TBC1D9B: variants seen among roughly 807,000 people sequenced by gnomAD.
TBC1D9B encodes the protein TBC1 domain family member 9B.
Under a neutral mutation model 121.1 loss-of-function variants are expected in TBC1D9B, and 87 were observed. That is an observed-to-expected ratio of 0.72 (90% CI 0.60 to 0.86). The LOEUF (loss-of-function observed/expected upper bound fraction) is 0.86. TBC1D9B is among the 40% of genes least tolerant of loss of function. The pLI is 0.00. For missense variants in TBC1D9B, 1,540 were observed against 1,628.6 expected (o/e 0.95, Z 0.94); for synonymous variants, 668 against 670.1 (o/e 1.00, Z 0.05).
At position 179,885,797 on chromosome 5, in the gene TBC1D9B, C is replaced by T. The variant is rs1299754511; in HGVS notation, c.1254+2306G>A. Among the ~76,000 whole-genome samples, 1 of 152,146 alleles carries T rather than the reference C, an allele frequency of 6.6e-6. No homozygotes were observed. Among genetic ancestry groups the T allele is most frequent in the Non-Finnish European group, 1.5e-5 (1 of 68,030 alleles). Reference sequence around the variant, plus strand: ...TGGACGGCCACAGTAACCCCATTAACACGTAAACAGGTCGTGCCCTCCTCT... The same window carrying T: ...TGGACGGCCACAGTAACCCCATTAATACGTAAACAGGTCGTGCCCTCCTCT... On this transcript the variant is annotated intron_variant, in intron 7 of 20. Transcript: ENST00000355235. The surrounding 1 kb of genome is among the most constrained non-coding windows in gnomAD (Gnocchi z 4.5).
At position 179,902,243 on chromosome 5, in the gene TBC1D9B, T is replaced by C. The variant is rs1210246321; in HGVS notation, c.229+2459A>G. 1.3e-5 allele frequency among the ~76,000 whole-genome samples: 2 copies of C among 152,214 alleles called. No individual in the cohort carries two copies. The highest frequency in any genetic ancestry group is 4.8e-5 in the African/African-American group (2 of 41,456). On this transcript the variant is annotated intron_variant, in intron 2 of 20. Transcript: ENST00000355235. This position sits in a 1 kb window ranked among gnomAD's most constrained non-coding sequence, Gnocchi z 4.9. Reference sequence around the variant, plus strand: ...CAGAGGAGCGGGAGGGAAGGTTAGCTGGCATGGCGGACACTAGGCACAGCA... The same window carrying C: ...CAGAGGAGCGGGAGGGAAGGTTAGCCGGCATGGCGGACACTAGGCACAGCA...
chr5:179,894,865 G>A (rs1684973), intron 3 of TBC1D9B, among the ~76,000 whole-genome samples: 76,129 of 152,016 alleles, frequency 0.5, 19,900 homozygotes, highest in East Asian at 0.77. Context: ...GTGAGCAGAG[G>A]CTTTTTAAAA....
In TBC1D9B at chr5:179,871,540, A is replaced by C; in HGVS notation, c.2416-10T>G. Reference sequence around the variant, plus strand: ...CAGGTATAGCTCGGACCTAGAAGGAAGGAGAAACAGGGTATATAGCTGGAT... The same window carrying C: ...CAGGTATAGCTCGGACCTAGAAGGACGGAGAAACAGGGTATATAGCTGGAT... On this transcript the variant is annotated splice_polypyrimidine_tract_variant and intron_variant, in intron 14 of 20. Coordinates refer to ENST00000355235, the MANE Select transcript of TBC1D9B (RefSeq NM_015043.4). 1 of 1,611,946 alleles carries C rather than the reference A, an allele frequency of 6.2e-7. No homozygotes were observed. Among genetic ancestry groups the C allele is most frequent in the Non-Finnish European group, 8.5e-7 (1 of 1,178,980 alleles).
rs1268535369 is a variant in TBC1D9B, at chr5:179,907,544, G to C, written c.118+160C>G. Among the ~76,000 whole-genome samples the C allele has an allele frequency of 6.7e-6, 1 of 148,850 alleles. No individual in the cohort carries two copies. The highest frequency in any genetic ancestry group is 1.5e-5 in the Non-Finnish European group (1 of 66,974). On this transcript the variant is annotated intron_variant, in intron 1 of 20. Transcript: ENST00000355235. The surrounding 1 kb of genome is among the most constrained non-coding windows in gnomAD (Gnocchi z 5.3). Reference sequence around the variant, plus strand: ...CCGGCCCCTCCGCGCCCGGCTCCCGGGTCCTGGCCTCGCGCCCCCGCCCCG... The same window carrying C: ...CCGGCCCCTCCGCGCCCGGCTCCCGCGTCCTGGCCTCGCGCCCCCGCCCCG...
intron 17 of TBC1D9B, 85 bp from the exon 18 acceptor site, chr5:179,867,934 C>T: frequency 7.5e-7 from 1 of 1,326,720 alleles, no homozygotes; most frequent in East Asian, 2.5e-5. Flanking sequence ...CTGGGCAGAG[C>T]CTTGCTTTCC....
rs141489446 is a variant in TBC1D9B, at chr5:179,869,124, A to G, written c.2791+645T>C. The G allele has an allele frequency of 1.6e-3, 280 of 170,606 alleles. 2 individuals are homozygous for G. In the East Asian group the frequency reaches 0.042, roughly 26 times the overall value. 10.6% of individuals were successfully genotyped at this position (170,606 alleles called of 1,614,324 possible). A position where few individuals can be genotyped will look rare whatever the true frequency, so the allele number is the denominator to read the frequency against. The stretch of plus-strand genomic sequence containing the variant: ...GGGGTCGGTTCTGAGGGCAGCTGCT[A>G]ACCTCAGATGGCAAAGCGACAGCAG... On this transcript the variant is annotated intron_variant, in intron 17 of 20. Transcript: ENST00000355235.
Position 179,874,979 on chromosome 5 carries a change from G to A in TBC1D9B, c.2109C>T (p.Ala703=), listed in dbSNP as rs766918881. The change falls in exon 12 of 21, where the codon GCC becomes GCT. Residue 703 remains alanine, a synonymous_variant. Coordinates refer to ENST00000355235, the MANE Select transcript of TBC1D9B (RefSeq NM_015043.4). This position sits in a 1 kb window ranked among gnomAD's most constrained non-coding sequence, Gnocchi z 4.3. ...CCATGTTGGCGTCCAGGACGGCCAG[G>A]GCCACCTGCAGGATCACCTTGATGC... ...YEGIKVILQV[A]LAVLDANMEQ... is the part of the protein sequence containing the mutation. The A allele has an allele frequency of 2.2e-5, 35 of 1,613,742 alleles. No homozygotes were observed. Among genetic ancestry groups the A allele is most frequent in the Middle Eastern group, 1.6e-4 (1 of 6,084 alleles).
At chr5:179,895,669 T>A (rs1760998780) in intron 3 of TBC1D9B, among the ~76,000 whole-genome samples, 1 of 152,180 alleles carries the variant, frequency 6.6e-6, no homozygotes, top group Admixed American at 6.5e-5. Context: ...ATGTACACAT[T>A]GATTTTCTAG....
chr5:179,900,914 G>A (rs1469531663), intron 2 of TBC1D9B, among the ~76,000 whole-genome samples: 1 of 152,128 alleles, frequency 6.6e-6, no homozygotes, highest in Non-Finnish European at 1.5e-5. Context: ...CCCTGACCAG[G>A]CTCTTCTGCC....
chr5:179,907,079 C>T lies in TBC1D9B; in HGVS notation c.118+625G>A, dbSNP rs1761342900. Among the ~76,000 whole-genome samples the T allele has an allele frequency of 1.3e-5, 2 of 152,188 alleles. No individual in the cohort carries two copies. The highest frequency in any genetic ancestry group is 2.1e-4 in the South Asian group (1 of 4,826). ...TGGTGGCACCCGGGCCCACAAAGGG[C>T]CACCTTGGCGAGCTTGCAGGAACAC... On this transcript the variant is annotated intron_variant, in intron 1 of 20. Coordinates refer to ENST00000355235, the MANE Select transcript of TBC1D9B (RefSeq NM_015043.4). The surrounding 1 kb of genome is among the most constrained non-coding windows in gnomAD (Gnocchi z 5.3).
rs1178581753 is a variant in TBC1D9B at position 179,879,099 on chromosome 5, G to A, written c.1515C>T (p.Val505=). ...MYRTAKTRAL[V]LKGIPESLRG... ...GGAGGCTCTCAGGGATACCCTTCAG[G>A]ACCAGTGCCCGCGTCTTGGCTGTGC... Residue 505 remains valine, a synonymous_variant, in exon 9 of 21, where the codon GTC becomes GTT. Transcript: ENST00000355235. The A allele has an allele frequency of 4.4e-6, 7 of 1,607,280 alleles. No homozygotes were observed. The highest frequency in any genetic ancestry group is 5.9e-6 in the Non-Finnish European group (7 of 1,179,972).
rs1221899169 is a variant in TBC1D9B at position 179,863,653 on chromosome 5, C to T, written c.3497G>A (p.Ser1166Asn). 1.2e-5 allele frequency: 20 copies of T among 1,613,846 alleles called. No individual in the cohort carries two copies. The highest frequency in any genetic ancestry group is 1.6e-5 in the Non-Finnish European group (19 of 1,180,036). Residue 1166 changes from serine (S) to asparagine (N), a missense_variant, in exon 21 of 21, where the codon AGC becomes AAC. Coordinates refer to ENST00000355235, the MANE Select transcript of TBC1D9B (RefSeq NM_015043.4). The surrounding 1 kb of genome is among the most constrained non-coding windows in gnomAD (Gnocchi z 4.5). ...GGTGCCGCCGATGCGCGCTGTGGGG[C>T]TGCAGGCCTCCCCGCCCACCAGCAC... ...DTVLVGGEAC[S>N]PTARIGGTVD...
Position 179,865,532 on chromosome 5 carries a change from G to T in TBC1D9B, c.2915-172C>A. The T allele has an allele frequency of 1.5e-6, 1 of 659,570 alleles. No individual in the cohort carries two copies. The allele number at this position is 659,570 out of a possible 1,614,324, so 40.9% of individuals were successfully genotyped here. On this transcript the variant is annotated intron_variant, in intron 19 of 20. Coordinates refer to ENST00000355235, the MANE Select transcript of TBC1D9B (RefSeq NM_015043.4). This position sits in a 1 kb window ranked among gnomAD's most constrained non-coding sequence, Gnocchi z 5.1. The stretch of plus-strand genomic sequence containing the variant: ...GGAAAAAAACCCAGAACAGCCACAG[G>T]TTTTCCCTAAATTGCTGCAGTGGTT...
rs407437 is a variant in TBC1D9B, at chr5:179,870,262, T to A, written c.2718A>T (p.Thr906=). ...DSLINFKEFV[T]GMSGMYHGDL... ...GGCCCTGCAGGCACTCACTCATCCC[T>A]GTCACGAACTCCTTGAAGTTGATCA... Residue 906 remains threonine, a synonymous_variant, in exon 16 of 21, where the codon ACA becomes ACT. Coordinates refer to ENST00000355235, the MANE Select transcript of TBC1D9B (RefSeq NM_015043.4). 6.2e-7 allele frequency: 1 copy of A among 1,613,826 alleles called. No homozygotes were observed. The highest frequency in any genetic ancestry group is 1.1e-5 in the South Asian group (1 of 91,080).
In TBC1D9B at chr5:179,907,597, G is replaced by C. The variant is rs1410478013; in HGVS notation, c.118+107C>G. ...GCGCGCTGGCGTGCGTGTCCGCCGC[G>C]ACGCGCCGAGGCCGGGCCGGAACCG... is the stretch of plus-strand genomic sequence containing the variant. On this transcript the variant is annotated intron_variant, in intron 1 of 20. Coordinates refer to ENST00000355235, the MANE Select transcript of TBC1D9B (RefSeq NM_015043.4). The surrounding 1 kb of genome is among the most constrained non-coding windows in gnomAD (Gnocchi z 5.3). The C allele has an allele frequency of 1.3e-5, 7 of 557,060 alleles. No individual in the cohort carries two copies. Among genetic ancestry groups the C allele is most frequent in the South Asian group, 7.4e-5 (1 of 13,484 alleles). The allele number at this position is 557,060 out of a possible 1,614,324, so 34.5% of individuals were successfully genotyped here.
chr5:179,882,810 C>A (rs1760577637), intron 7 of TBC1D9B, among the ~76,000 whole-genome samples: 1 of 152,162 alleles, frequency 6.6e-6, no homozygotes, highest in Admixed American at 6.5e-5. Flanking sequence ...GATTGTGCCA[C>A]TGCACTCCAG....
chr5:179,894,738 G>T, intron 3 of TBC1D9B, 124 bp from the exon 4 acceptor site: 1 of 883,204 alleles, frequency 1.1e-6, no homozygotes, highest in Non-Finnish European at 1.7e-6. Context: ...AGGCACAGCT[G>T]GGAACAGTCA....
In TBC1D9B at chr5:179,865,882, A is replaced by G. The variant is rs773073887; in HGVS notation, c.2870T>C (p.Leu957Pro). ...ACTTCCTTCTTGCTCTTCCTGTGGT[A>G]GTGCTTCTGGACAAACGCAAAAATA... ...FTEDSSSEEA[L>P]PQEEQEGSGS... is the part of the protein sequence containing the mutation. The change falls in exon 19 of 21, where the codon CTA becomes CCA. Residue 957 changes from leucine to proline, a missense_variant. Leu to Pro is a moderately conservative substitution (Grantham distance 98). Coordinates refer to ENST00000355235, the MANE Select transcript of TBC1D9B (RefSeq NM_015043.4). The surrounding 1 kb of genome is among the most constrained non-coding windows in gnomAD (Gnocchi z 5.1). 16 of 1,613,716 alleles carry G rather than the reference A, an allele frequency of 9.9e-6. No individual in the cohort carries two copies. Among genetic ancestry groups the G allele is most frequent in the South Asian group, 3.3e-5 (3 of 91,046 alleles).
chr5:179,869,896 G>A, intron 16 of TBC1D9B, 62 bp from the exon 17 acceptor site: 1 of 1,457,190 alleles, frequency 6.9e-7, no homozygotes, highest in African/African-American at 1.4e-5. Context: ...CTTCCAGGGG[G>A]TCCGAGTAGG....
Sources: gnomAD v4.1 joint callset for allele counts (sites outside exome capture counted in the v4.1 genomes callset) on GRCh38, gnomAD v4.1.1 for gene constraint, Gnocchi (gnomAD v3.1) non-coding constraint, MANE v1.5 for transcripts, NCBI Gene and HGNC (gene_info 2026-07-23, HGNC 2026-07-21) for gene names.